The following LHFPL2 variants were observed in gnomAD, a reference collection of about 807,000 sequenced individuals.
The protein encoded by LHFPL2 is LHFPL tetraspan subfamily member 2 protein.
Under a neutral mutation model 17.5 loss-of-function variants are expected in LHFPL2, and 7 were observed. The observed-to-expected ratio is 0.40, with a 90% CI of 0.23 to 0.75. The LOEUF is 0.75. Ranked by LOEUF, LHFPL2 falls within the 30% of genes least tolerant of loss-of-function variation. The pLI, the probability that LHFPL2 is intolerant of heterozygous loss-of-function variation, is 0.37. For synonymous variants in LHFPL2, 134 were observed against 116.2 expected (o/e 1.15, Z -0.99); for missense variants, 241 against 294.8 (o/e 0.82, Z 1.34).
intron 3 of LHFPL2, among the ~76,000 whole-genome samples, chr5:78,550,559 T>C (rs961820395): frequency 2.9e-5 from 4 of 138,412 alleles, no homozygotes; most frequent in African/African-American, 1.0e-4. Context: ...TTCTGTTTTA[T>C]TTATTTTTAT....
intron 2 of LHFPL2, among the ~76,000 whole-genome samples, chr5:78,611,443 T>C (rs1395584991): frequency 1.3e-5 from 2 of 152,274 alleles, no homozygotes; most frequent in East Asian, 3.9e-4. Context: ...GCTCAGTAAT[T>C]CACATTCCAG....
At chr5:78,552,460 TG>T (rs1210067919) in intron 3 of LHFPL2, among the ~76,000 whole-genome samples, 1 of 152,218 alleles carries the variant, frequency 6.6e-6, no homozygotes, top group African/African-American at 2.4e-5. Flanking sequence ...AGCTAACCTT[TG>T]GGGGCCAAGG....
At chr5:78,540,351 T>C (rs1447223882) in intron 3 of LHFPL2, among the ~76,000 whole-genome samples, 1 of 152,256 alleles carries the variant, frequency 6.6e-6, no homozygotes, top group Non-Finnish European at 1.5e-5. Context: ...GCATTTTATC[T>C]GCCAATGCTG....
chr5:78,516,836 C>T (rs1479110076), intron 3 of LHFPL2, among the ~76,000 whole-genome samples: 1 of 152,190 alleles, frequency 6.6e-6, no homozygotes, highest in East Asian at 1.9e-4. Context: ...TTCCTGGGGT[C>T]CTGGGTGGTC....
chr5:78,606,394 G>A (rs1340991658), intron 2 of LHFPL2, among the ~76,000 whole-genome samples: 1 of 152,170 alleles, frequency 6.6e-6, no homozygotes, highest in Non-Finnish European at 1.5e-5. Context: ...TTTATTAAAT[G>A]GCAATGAAGT....
intron 1 of LHFPL2, among the ~76,000 whole-genome samples, chr5:78,635,225 C>T (rs1478745041): frequency 6.6e-6 from 1 of 152,212 alleles, no homozygotes; most frequent in South Asian, 2.1e-4. Context: ...TTTTTGCCAG[C>T]CAGAGGCTGA....
chr5:78,638,676 G>A lies in LHFPL2; in HGVS notation c.-349-6308C>T, dbSNP rs541476371. 6.2e-4 allele frequency among the ~76,000 whole-genome samples: 95 copies of A among 152,320 alleles called. 1 individual carries two copies. The highest frequency in any genetic ancestry group is 2.1e-3 in the African/African-American group (88 of 41,578). ...CGCACCCTTGGTTACTAAGAGGACT[G>A]GAGGAGAATGACAAGGGGAGGCTAA... On this transcript the variant is annotated intron_variant, in intron 1 of 4. Transcript: ENST00000380345.
intron 3 of LHFPL2, among the ~76,000 whole-genome samples, chr5:78,515,787 AG>A (rs1755274231): frequency 6.6e-6 from 1 of 152,172 alleles, no homozygotes; most frequent in Non-Finnish European, 1.5e-5. Flanking sequence ...GGCCACTGTG[AG>A]GCAGCGTGGA....
intron 4 of LHFPL2, among the ~76,000 whole-genome samples, chr5:78,499,682 C>T (rs1480798783): frequency 1.3e-5 from 2 of 152,144 alleles, no homozygotes; most frequent in South Asian, 2.1e-4. Flanking sequence ...AAGTGAGAAA[C>T]CACAGGAGTG....
intron 3 of LHFPL2, chr5:78,549,176 C>T (rs1216233671): frequency 1.3e-5 from 2 of 152,204 alleles, no homozygotes; most frequent in Admixed American, 1.3e-4. Context: ...TGCCTGCCAA[C>T]AGGGGAACCT....
In LHFPL2 at chr5:78,540,044, T is replaced by A. The variant is rs150239668; in HGVS notation, c.-186+24769A>T. Among the ~76,000 whole-genome samples, 331 of 152,134 alleles carry A rather than the reference T, an allele frequency of 2.2e-3. 1 individual carries two copies. Among genetic ancestry groups the A allele is most frequent in the African/African-American group, 7.6e-3 (317 of 41,490 alleles). ...TGGCCTCCAGAGGTGACTGGCAGAG[T>A]GTGTTACCAATGGAAGTTTTTAGAA... On this transcript the variant is annotated intron_variant, in intron 3 of 4. Transcript: ENST00000380345.
chr5:78,534,551 GT>G (rs1200196337), intron 3 of LHFPL2, among the ~76,000 whole-genome samples: 38 of 152,208 alleles, frequency 2.5e-4, no homozygotes, highest in Non-Finnish European at 2.8e-4. Flanking sequence ...TGACTGCTGG[GT>G]TTTCTTTTCC....
At chr5:78,554,147 T>C (rs1429914111) in intron 3 of LHFPL2, among the ~76,000 whole-genome samples, 2 of 152,264 alleles carry the variant, frequency 1.3e-5, no homozygotes, top group Non-Finnish European at 2.9e-5. Flanking sequence ...TTAGACAGAC[T>C]TGTCTATCAG....
chr5:78,616,860 C>G (rs977865058), intron 2 of LHFPL2, among the ~76,000 whole-genome samples: 7 of 152,164 alleles, frequency 4.6e-5, no homozygotes, highest in African/African-American at 1.7e-4. Flanking sequence ...GCTTATCCAG[C>G]CCACCTGCCC....
At chr5:78,587,765 A>G (rs1009026078) in intron 2 of LHFPL2, among the ~76,000 whole-genome samples, 2 of 152,246 alleles carry the variant, frequency 1.3e-5, no homozygotes, top group Non-Finnish European at 2.9e-5. Flanking sequence ...TTCAATTTAC[A>G]GAAAGCGCCG....
At chr5:78,538,331 A>C (rs1292569725) in intron 3 of LHFPL2, among the ~76,000 whole-genome samples, 1 of 132,098 alleles carries the variant, frequency 7.6e-6, no homozygotes, top group African/African-American at 2.5e-5. Context: ...CAGGTGGCTC[A>C]TTAAACATTT....
At chr5:78,584,886 G>A (rs1247734058) in intron 2 of LHFPL2, among the ~76,000 whole-genome samples, 5 of 151,990 alleles carry the variant, frequency 3.3e-5, no homozygotes, top group Admixed American at 6.5e-5. Flanking sequence ...CCCCAGCCTC[G>A]CTGCCGCCTT....
chr5:78,558,868 T>C (rs1473454147), intron 3 of LHFPL2, among the ~76,000 whole-genome samples: 3 of 152,166 alleles, frequency 2.0e-5, no homozygotes, highest in Non-Finnish European at 4.4e-5. Flanking sequence ...TGACTTTTTT[T>C]CCCACTGCTC....
intron 4 of LHFPL2, among the ~76,000 whole-genome samples, chr5:78,503,618 A>T (rs539046193): frequency 6.6e-6 from 1 of 152,280 alleles, no homozygotes; most frequent in Admixed American, 6.5e-5. Context: ...GAATCACTTG[A>T]ACCTGGGAGG....
Sources: allele counts gnomAD v4.1 joint callset (sites outside exome capture counted in the v4.1 genomes callset), GRCh38; gene constraint gnomAD v4.1.1; transcripts MANE v1.5; gene names NCBI Gene and HGNC (gene_info 2026-07-23, HGNC 2026-07-21).